Variants in LOC400499 observed in about 807,000 individuals in gnomAD.
At chr16:11,385,388 G>T in the LOC400499 span, 4 of 1,232,284 alleles carry the variant, frequency 3.2e-6, no homozygotes, top group Non-Finnish European at 4.0e-6. Flanking sequence ...AGGTCACCAC[G>T]TGCTGGGCCC....
chr16:11,447,423 C>T, the LOC400499 span, among the ~76,000 whole-genome samples: 1 of 152,126 alleles, frequency 6.6e-6, no homozygotes, highest in Non-Finnish European at 1.5e-5. Context: ...TCCATGTGCC[C>T]AGAAGAGCAC....
the LOC400499 span, among the ~76,000 whole-genome samples, chr16:11,443,027 C>A: frequency 2.6e-5 from 4 of 152,172 alleles, no homozygotes; most frequent in South Asian, 4.1e-4. Context: ...TGTTGTGTAT[C>A]TTGCAAATAG....
chr16:11,497,012 G>T, the LOC400499 span, among the ~76,000 whole-genome samples: 1 of 152,070 alleles, frequency 6.6e-6, no homozygotes, highest in Non-Finnish European at 1.5e-5. Flanking sequence ...CTCAGTGTGA[G>T]CCTGCAACAG....
chr16:11,431,793 C>T, the LOC400499 span, among the ~76,000 whole-genome samples: 2 of 152,216 alleles, frequency 1.3e-5, no homozygotes, highest in Non-Finnish European at 2.9e-5. Context: ...TTCCCATACT[C>T]TCCTGCAAGG....
chr16:11,404,615 T>C, the LOC400499 span: 1 of 397,730 alleles, frequency 2.5e-6, no homozygotes, highest in East Asian at 3.6e-5. Flanking sequence ...CCAAAGGGCT[T>C]GGATTACAGG....
At chr16:11,418,215 C>G in the LOC400499 span, among the ~76,000 whole-genome samples, 2 of 152,174 alleles carry the variant, frequency 1.3e-5, no homozygotes, top group Admixed American at 1.3e-4. Context: ...GAACACAGCC[C>G]TGCCTGTTTG....
chr16:11,394,422 G>A, the LOC400499 span, among the ~76,000 whole-genome samples: 8 of 152,218 alleles, frequency 5.3e-5, no homozygotes, highest in African/African-American at 1.9e-4. Flanking sequence ...CCTTCAGTAA[G>A]GGTGTCACCC....
the LOC400499 span, chr16:11,392,782 T>A: frequency 2.0e-6 from 2 of 984,126 alleles, no homozygotes; most frequent in African/African-American, 3.5e-5. Context: ...AGTGGCTGGA[T>A]CACAGCTCAC....
At chr16:11,411,452 G>GGCCC in the LOC400499 span, 1 of 397,358 alleles carries the variant, frequency 2.5e-6, no homozygotes, top group Non-Finnish European at 4.4e-6. Flanking sequence ...TCACATCAGT[G>GGCCC]GCCCAGTTCA....
chr16:11,410,470 T>A, the LOC400499 span, among the ~76,000 whole-genome samples: 1 of 151,978 alleles, frequency 6.6e-6, no homozygotes, highest in East Asian at 1.9e-4. Flanking sequence ...AATTTAAAAA[T>A]TAAATAAATA....
chr16:11,421,460 G>A, the LOC400499 span, among the ~76,000 whole-genome samples: 1 of 152,074 alleles, frequency 6.6e-6, no homozygotes, highest in African/African-American at 2.4e-5. Flanking sequence ...GGAGTGCAGT[G>A]GCACAATCTT....
At chr16:11,392,635 A>G in the LOC400499 span, 6,783 of 525,774 alleles carry the variant, frequency 0.013, 174 homozygotes, top group African/African-American at 0.059. Context: ...CTTGAGCTGC[A>G]CCACCTAGAG....
chr16:11,476,446 G>C, the LOC400499 span, among the ~76,000 whole-genome samples: 1 of 151,902 alleles, frequency 6.6e-6, no homozygotes, highest in Admixed American at 6.6e-5. Context: ...ACAGTCAACA[G>C]ACACACATGC....
At chr16:11,411,280 C>T in the LOC400499 span, 3 of 399,352 alleles carry the variant, frequency 7.5e-6, no homozygotes, top group Non-Finnish European at 1.3e-5. Context: ...GGGGCAGAGA[C>T]CCAGGAGGAA....
At chr16:11,469,730 G>C in the LOC400499 span, 1 of 398,828 alleles carries the variant, frequency 2.5e-6, no homozygotes, top group East Asian at 3.6e-5. Context: ...CACTCACATT[G>C]TTGTCCTCAC....
At chr16:11,374,831 G>T in the LOC400499 span, among the ~76,000 whole-genome samples, 35 of 152,288 alleles carry the variant, frequency 2.3e-4, no homozygotes, top group East Asian at 6.8e-3. Context: ...ATACCCAGAA[G>T]TAGAATTGCT....
At chr16:11,493,683 C>G in the LOC400499 span, 1 of 397,436 alleles carries the variant, frequency 2.5e-6, no homozygotes. Context: ...CCTGGATGGC[C>G]CCCAGCCGGA....
the LOC400499 span, among the ~76,000 whole-genome samples, chr16:11,402,696 G>A: frequency 6.6e-6 from 1 of 152,184 alleles, no homozygotes; most frequent in South Asian, 2.1e-4. Context: ...GGCCAGCGGA[G>A]CCGCCCGCTC....
At chr16:11,401,017 A>G in the LOC400499 span, among the ~76,000 whole-genome samples, 1 of 152,214 alleles carries the variant, frequency 6.6e-6, no homozygotes, top group African/African-American at 2.4e-5. Flanking sequence ...TGTTTCCCAC[A>G]TTAAAATGTG....
Sources: gnomAD v4.1 joint callset for allele counts (sites outside exome capture counted in the v4.1 genomes callset) on GRCh38, gnomAD v4.1.1 for gene constraint, MANE v1.5 for transcripts.